SAMD3: variants seen among roughly 807,000 people sequenced by gnomAD.
SAMD3 encodes the protein sterile alpha motif domain containing 3.
In SAMD3, 63 loss-of-function variants were observed where a neutral mutation model predicts 58.5. The ratio of observed to expected loss-of-function variants is 1.08; its 90% confidence interval spans 0.88 to 1.33. The LOEUF (loss-of-function observed/expected upper bound fraction) is 1.33, where lower values mean the gene tolerates loss of function less well. Ranked by LOEUF, SAMD3 falls within the 40% of genes most tolerant of loss-of-function variation. The pLI, the probability that SAMD3 is intolerant of heterozygous loss-of-function variation, is 0.00. For synonymous variants in SAMD3, 220 were observed against 210.3 expected, an observed-to-expected ratio of 1.05 and a Z score of -0.40; for missense variants, 604 against 608.4, an observed-to-expected ratio of 0.99 and a Z score of 0.08.
intron 5 of SAMD3, among the ~76,000 whole-genome samples, chr6:130,192,078 C>G (rs1351311472): frequency 1.3e-5 from 2 of 152,230 alleles, no homozygotes; most frequent in Admixed American, 1.3e-4. Flanking sequence ...CTGAATCCCC[C>G]ACCTGGCCTG....
chr6:130,153,895 T>G (rs890922417), intron 9 of SAMD3, among the ~76,000 whole-genome samples: 1 of 151,712 alleles, frequency 6.6e-6, no homozygotes, highest in African/African-American at 2.4e-5. Flanking sequence ...GAGGCGGGTC[T>G]TGAACTCCTG....
chr6:130,192,821 C>T (rs1793682874), intron 5 of SAMD3, among the ~76,000 whole-genome samples: 1 of 152,170 alleles, frequency 6.6e-6, no homozygotes, highest in African/African-American at 2.4e-5. Context: ...GTCTTCAGAC[C>T]AACCAGCCCA....
At chr6:130,175,758 T>C in intron 8 of SAMD3, 83 bp downstream of exon 8, 1 of 905,272 alleles carries the variant, frequency 1.1e-6, no homozygotes, top group South Asian at 2.1e-5. Context: ...TTGTTTTAAT[T>C]ATTTTAAATG....
rs532511931 is a variant in SAMD3, at chr6:130,150,112, T to C, written c.1024-3931A>G. Reference sequence around the variant, plus strand: ...TCAATTTGGTTCATGTGTGTGTGTGTGCGCGCGTGTGTGTGTGCGTGTATT... The same window carrying C: ...TCAATTTGGTTCATGTGTGTGTGTGCGCGCGCGTGTGTGTGTGCGTGTATT... On this transcript the variant is annotated intron_variant, in intron 9 of 11. Transcript: ENST00000439090. Among the ~76,000 whole-genome samples the C allele has an allele frequency of 2.6e-3, 392 of 151,062 alleles. 2 individuals are homozygous for C. Among genetic ancestry groups the C allele is most frequent in the Non-Finnish European group, 4.4e-3 (296 of 68,012 alleles).
chr6:130,196,593 A>C (rs1376101050), intron 5 of SAMD3, among the ~76,000 whole-genome samples: 3 of 152,190 alleles, frequency 2.0e-5, no homozygotes, highest in Non-Finnish European at 4.4e-5. Flanking sequence ...CGCCTCTTAG[A>C]ACCTCTCATT....
At chr6:130,294,995 C>T (rs1465086349) in intron 2 of SAMD3, among the ~76,000 whole-genome samples, 1 of 142,496 alleles carries the variant, frequency 7.0e-6, no homozygotes, top group African/African-American at 2.6e-5. Flanking sequence ...ACGATCTCAC[C>T]TTTCCGCAAC....
chr6:130,223,934 G>A (rs2114867381), upstream of SAMD3, among the ~76,000 whole-genome samples: 1 of 152,300 alleles, frequency 6.6e-6, no homozygotes, highest in South Asian at 2.1e-4. Context: ...AGGGCTTTCT[G>A]TATCCCAAGG....
chr6:130,319,776 G>A (rs6940357), intron 1 of SAMD3, among the ~76,000 whole-genome samples: 67,610 of 151,954 alleles, frequency 0.44, 17,317 homozygotes, highest in African/African-American at 0.71. Flanking sequence ...GCTTGAGGCA[G>A]AATTAAAAAC....
At chr6:130,267,073 C>A (rs1035883429) in intron 2 of SAMD3, among the ~76,000 whole-genome samples, 1 of 152,210 alleles carries the variant, frequency 6.6e-6, no homozygotes, top group African/African-American at 2.4e-5. Context: ...CTCTCGACTA[C>A]TTGCTACTGG....
Position 130,221,123 on chromosome 6 carries a change from G to T in SAMD3, c.-68+1571C>A, listed in dbSNP as rs1047862354. ...CCCACCTTGGCCTCCCAAAGTGCTG[G>T]GATTACAGGCATGAGCCACCACGCC... On this transcript the variant is annotated intron_variant, in intron 1 of 11. Coordinates refer to ENST00000439090, the MANE Select transcript of SAMD3 (RefSeq NM_001017373.4). 8.0e-4 allele frequency among the ~76,000 whole-genome samples: 122 copies of T among 152,072 alleles called. 1 individual carries two copies. Among genetic ancestry groups the T allele is most frequent in the Non-Finnish European group, 2.1e-4 (14 of 68,018 alleles).
chr6:130,150,099 A>ATG (rs369929786), intron 9 of SAMD3, among the ~76,000 whole-genome samples: 9 of 136,828 alleles, frequency 6.6e-5, no homozygotes, highest in African/African-American at 1.5e-4. Context: ...AATTTGGTTC[A>ATG]TGTGTGTGTG....
chr6:130,175,198 GA>G (rs1791608402), intron 8 of SAMD3, among the ~76,000 whole-genome samples: 1 of 152,178 alleles, frequency 6.6e-6, no homozygotes, highest in Admixed American at 6.5e-5. Context: ...GATAGCAGGG[GA>G]AATTTTTGTT....
chr6:130,261,988 G>T (rs1350940473), intron 2 of SAMD3, among the ~76,000 whole-genome samples: 1 of 151,874 alleles, frequency 6.6e-6, no homozygotes, highest in Non-Finnish European at 1.5e-5. Flanking sequence ...CAGAGAAAGA[G>T]AGGAAGAGAC....
intron 7 of SAMD3, among the ~76,000 whole-genome samples, chr6:130,183,794 G>A (rs2114705188): frequency 6.6e-6 from 1 of 152,074 alleles, no homozygotes; most frequent in South Asian, 2.1e-4. Context: ...GAGAGACCAA[G>A]AAGTTATGAA....
chr6:130,271,653 C>G (rs114898821), intron 2 of SAMD3, among the ~76,000 whole-genome samples: 3,149 of 152,292 alleles, frequency 0.021, 99 homozygotes, highest in African/African-American at 0.071. Flanking sequence ...GCAGATTTTA[C>G]ATAGGCAAAT....
intron 4 of SAMD3, among the ~76,000 whole-genome samples, chr6:130,212,803 C>G (rs145122302): frequency 6.6e-6 from 1 of 152,200 alleles, no homozygotes; most frequent in Non-Finnish European, 1.5e-5. Flanking sequence ...AAGGGAACTT[C>G]CAGCTCAAAT....
chr6:130,208,660 G>A (rs1368542685), intron 5 of SAMD3, among the ~76,000 whole-genome samples: 1 of 152,114 alleles, frequency 6.6e-6, no homozygotes, highest in African/African-American at 2.4e-5. Context: ...ACCCCCAGAT[G>A]GGACTGTCTA....
chr6:130,200,065 C>T (rs939097664), intron 5 of SAMD3, among the ~76,000 whole-genome samples: 3 of 151,868 alleles, frequency 2.0e-5, no homozygotes, highest in East Asian at 1.9e-4. Context: ...TTCAAGGCCT[C>T]GGGAGTCTTT....
intron 2 of SAMD3, among the ~76,000 whole-genome samples, chr6:130,237,850 A>G (rs990413874): frequency 1.3e-5 from 2 of 152,180 alleles, no homozygotes; most frequent in Non-Finnish European, 2.9e-5. Context: ...GAATTCAGTG[A>G]TTTTATGTTT....
Sources: allele counts gnomAD v4.1 joint callset (sites outside exome capture counted in the v4.1 genomes callset), GRCh38; gene constraint gnomAD v4.1.1; transcripts MANE v1.5; gene names NCBI Gene and HGNC (gene_info 2026-07-23, HGNC 2026-07-21).